The following PARVA variants were observed in gnomAD, a reference collection of about 807,000 sequenced individuals.
PARVA encodes the protein parvin alpha.
PARVA carries 25 observed loss-of-function variants against 52.6 expected under a neutral mutation model. The ratio of observed to expected loss-of-function variants is 0.48; its 90% CI spans 0.35 to 0.66. PARVA has a LOEUF of 0.66. Among genes scored for constraint, PARVA ranks in the 30% least tolerant of loss-of-function variants. The pLI is 0.01. For synonymous variants in PARVA, 185 were observed against 179.1 expected (o/e 1.03, Z -0.26); for missense variants, 373 against 450.9 (o/e 0.83, Z 1.56).
At chr11:12,472,874 C>T (rs371594930) in intron 1 of PARVA, among the ~76,000 whole-genome samples, 170 of 152,298 alleles carry the variant, frequency 1.1e-3, no homozygotes, top group African/African-American at 3.8e-3. Flanking sequence ...GGTCAGCACT[C>T]ACCAAACGTC....
intron 1 of PARVA, among the ~76,000 whole-genome samples, chr11:12,444,795 C>T (rs751944633): frequency 4.6e-5 from 7 of 152,116 alleles, no homozygotes; most frequent in Non-Finnish European, 7.3e-5. Flanking sequence ...CATGCTGAGA[C>T]CTCAGCGTTG....
At chr11:12,500,352 C>T (rs1017616520) in intron 5 of PARVA, among the ~76,000 whole-genome samples, 3 of 152,152 alleles carry the variant, frequency 2.0e-5, no homozygotes, top group Non-Finnish European at 2.9e-5. Context: ...ACATGTTGGC[C>T]TCAGCTTCTG....
intron 6 of PARVA, 101 bp downstream of exon 6, chr11:12,504,530 A>G (rs1047173529): frequency 1.4e-6 from 1 of 711,194 alleles, no homozygotes; most frequent in East Asian, 2.7e-5. Flanking sequence ...GGCTGCATGA[A>G]TGTTGAGTGA....
At chr11:12,437,171 A>G (rs538495666) in intron 1 of PARVA, among the ~76,000 whole-genome samples, 5 of 152,296 alleles carry the variant, frequency 3.3e-5, no homozygotes, top group African/African-American at 1.2e-4. Flanking sequence ...TTATTTGGAA[A>G]TAAAAAGAAA....
intron 1 of PARVA, among the ~76,000 whole-genome samples, chr11:12,470,372 T>C (rs1370383952): frequency 2.6e-5 from 4 of 152,244 alleles, no homozygotes; most frequent in Non-Finnish European, 5.9e-5. Context: ...TTTGCATATA[T>C]TAACTCATTT....
chr11:12,403,031 A>T (rs911215759), intron 1 of PARVA, among the ~76,000 whole-genome samples: 1 of 152,214 alleles, frequency 6.6e-6, no homozygotes, highest in Non-Finnish European at 1.5e-5. Flanking sequence ...TCTTGGTACT[A>T]AAGCACATAT....
At chr11:12,463,571 T>C (rs143945150) in intron 1 of PARVA, among the ~76,000 whole-genome samples, 5 of 152,194 alleles carry the variant, frequency 3.3e-5, no homozygotes, top group African/African-American at 1.2e-4. Flanking sequence ...ACTGTGGATA[T>C]TGGTCTTGTT....
chr11:12,395,280 T>C (rs888787965), intron 1 of PARVA, among the ~76,000 whole-genome samples: 3 of 152,172 alleles, frequency 2.0e-5, no homozygotes, highest in African/African-American at 7.2e-5. Flanking sequence ...TAATGAATCA[T>C]GAGTGTAGAC....
chr11:12,379,420 T>C (rs1446377952), intron 1 of PARVA, among the ~76,000 whole-genome samples: 1 of 152,182 alleles, frequency 6.6e-6, no homozygotes, highest in Non-Finnish European at 1.5e-5. Flanking sequence ...ACGTTAAAGA[T>C]TTGTCTTTTC....
chr11:12,504,278 A>T (rs1464165907), intron 5 of PARVA, 36 bp from the exon 6 acceptor site: 3 of 1,188,952 alleles, frequency 2.5e-6, no homozygotes, highest in Non-Finnish European at 3.8e-6. Context: ...AACCTGGAAG[A>T]AGATGCTGTA....
chr11:12,468,554 CAGTT>C (rs956315751), intron 1 of PARVA, among the ~76,000 whole-genome samples: 3 of 152,198 alleles, frequency 2.0e-5, no homozygotes, highest in African/African-American at 7.2e-5. Context: ...CCCATGTTAT[CAGTT>C]AGGGAGTTTG....
At chr11:12,491,186 A>AGTTTGTTT (rs1346423353) in intron 4 of PARVA, among the ~76,000 whole-genome samples, 1 of 152,190 alleles carries the variant, frequency 6.6e-6, no homozygotes, top group East Asian at 1.9e-4. Context: ...GTTTTGAGAC[A>AGTTTGTTT]GGGTCTTGCT....
At chr11:12,441,357 T>C (rs1021683944) in intron 1 of PARVA, among the ~76,000 whole-genome samples, 1 of 152,010 alleles carries the variant, frequency 6.6e-6, no homozygotes, top group African/African-American at 2.4e-5. Flanking sequence ...TTTTTTTTTT[T>C]AATTGCTTTT....
intron 1 of PARVA, among the ~76,000 whole-genome samples, chr11:12,435,592 C>G (rs1001772187): frequency 1.3e-5 from 2 of 152,178 alleles, no homozygotes; most frequent in Admixed American, 6.5e-5. Flanking sequence ...GTTGAGTGTA[C>G]AAACTCTCAT....
At chr11:12,511,697 GGAA>G (rs1284562428) in intron 8 of PARVA, among the ~76,000 whole-genome samples, 164 bp downstream of exon 8, 1 of 151,996 alleles carries the variant, frequency 6.6e-6, no homozygotes, top group East Asian at 2.0e-4. Flanking sequence ...CTTACTGGCG[GGAA>G]GAAGACTACC....
intron 1 of PARVA, among the ~76,000 whole-genome samples, chr11:12,467,832 G>A (rs377615346): frequency 2.0e-5 from 3 of 152,134 alleles, no homozygotes; most frequent in Admixed American, 6.5e-5. Flanking sequence ...TACAGTGGGC[G>A]TGGTTCAGGG....
chr11:12,385,528 A>G (rs866907435), intron 1 of PARVA, among the ~76,000 whole-genome samples: 1 of 152,184 alleles, frequency 6.6e-6, no homozygotes, highest in South Asian at 2.1e-4. Context: ...TGGGCAACTA[A>G]AAAGATGAAC....
At chr11:12,439,008 C>T (rs1940425625) in intron 1 of PARVA, among the ~76,000 whole-genome samples, 1 of 152,106 alleles carries the variant, frequency 6.6e-6, no homozygotes, top group South Asian at 2.1e-4. Context: ...ACTGTAGTGC[C>T]TGGGATGGCT....
intron 5 of PARVA, among the ~76,000 whole-genome samples, chr11:12,503,876 T>A (rs556354296): frequency 4.9e-4 from 74 of 152,254 alleles, no homozygotes; most frequent in African/African-American, 1.6e-3. Context: ...GGCTTGAGGC[T>A]GGGTAATTTA....
Sources: allele counts gnomAD v4.1 joint callset (sites outside exome capture counted in the v4.1 genomes callset), GRCh38; gene constraint gnomAD v4.1.1; transcripts MANE v1.5; gene names NCBI Gene and HGNC (gene_info 2026-07-23, HGNC 2026-07-21).